PKP2: variants seen among roughly 807,000 people sequenced by gnomAD.
PKP2 encodes plakophilin 2.
A neutral mutation model predicts 83.4 loss-of-function variants in PKP2; 73 were observed. The observed-to-expected ratio is 0.88, with a 90% CI of 0.72 to 1.06. PKP2 has a LOEUF of 1.06. Ranked by LOEUF, PKP2 falls within the 50% of genes least tolerant of loss-of-function variation. PKP2 has a pLI of 0.00. For missense variants in PKP2, 966 were observed against 1,065.4 expected, an observed-to-expected ratio of 0.91 and a Z score of 1.30; for synonymous variants, 409 against 430.4, an observed-to-expected ratio of 0.95 and a Z score of 0.62.
intron 6 of PKP2, among the ~76,000 whole-genome samples, chr12:32,835,027 G>A (rs998994262): frequency 1.4e-5 from 2 of 145,538 alleles, no homozygotes; most frequent in Non-Finnish European, 3.0e-5. Context: ...AGGAGGGTAT[G>A]GAATCAAAGA....
chr12:32,855,794 A>AAAAAG (rs1459718298), intron 4 of PKP2, among the ~76,000 whole-genome samples: 2 of 148,394 alleles, frequency 1.3e-5, no homozygotes, highest in African/African-American at 5.1e-5. Flanking sequence ...AAAAAAAAAA[A>AAAAAG]AGGAAGAAAA....
intron 1 of PKP2, among the ~76,000 whole-genome samples, chr12:32,882,146 T>C (rs1956992277): frequency 6.6e-6 from 1 of 152,154 alleles, no homozygotes; most frequent in South Asian, 2.1e-4. Context: ...AGCTGATACA[T>C]AAGAAATCCA....
chr12:32,820,899 T>C (rs73090745), intron 9 of PKP2: 4,234 of 197,124 alleles, frequency 0.021, 69 homozygotes, highest in South Asian at 0.046. Flanking sequence ...GGGGACACAT[T>C]GGGCTGATAA....
chr12:32,847,740 T>C (rs1185363097), intron 5 of PKP2, among the ~76,000 whole-genome samples: 3 of 152,180 alleles, frequency 2.0e-5, no homozygotes, highest in African/African-American at 7.2e-5. Flanking sequence ...TATTCCTTTT[T>C]TAAGGTCCAC....
At chr12:32,807,326 T>C (rs540223355) in intron 9 of PKP2, among the ~76,000 whole-genome samples, 36 of 152,312 alleles carry the variant, frequency 2.4e-4, no homozygotes, top group African/African-American at 8.4e-4. Flanking sequence ...GTAAAGTCTG[T>C]TTTGTCAGAA....
intron 5 of PKP2, among the ~76,000 whole-genome samples, chr12:32,848,969 A>C (rs1401009296): frequency 1.3e-5 from 2 of 151,788 alleles, no homozygotes; most frequent in Non-Finnish European, 2.9e-5. Flanking sequence ...TTTCCGTTAA[A>C]AGTATTTACC....
chr12:32,865,921 A>G (rs913717252), intron 4 of PKP2, among the ~76,000 whole-genome samples: 4 of 152,172 alleles, frequency 2.6e-5, no homozygotes, highest in Non-Finnish European at 5.9e-5. Context: ...ACTAAAATAT[A>G]TAACATTTAC....
chr12:32,833,971 AAT>A (rs1352274208), intron 6 of PKP2, among the ~76,000 whole-genome samples: 2 of 152,274 alleles, frequency 1.3e-5, no homozygotes, highest in East Asian at 3.9e-4. Flanking sequence ...TCACATTTTT[AAT>A]ATGACTACAG....
Position 32,878,041 on chromosome 12 carries a change from ACG to A in PKP2, c.837_838del (p.Val280HisfsTer55), listed in dbSNP as rs772220644. On this transcript the variant is annotated frameshift_variant, in exon 3 of 13. Coordinates refer to ENST00000340811, the MANE Select transcript of PKP2 (RefSeq NM_001005242.3). LOFTEE classifies it high-confidence loss of function. ...GGACCTGGAAGCCCTGTTCTGAGTG[ACG>A]GGCTGCAGGGGCACCAGCGGCCTGA... 5 of 1,613,818 alleles carry A rather than the reference ACG, an allele frequency of 3.1e-6. No individual in the cohort carries two copies. The African/African-American group carries it at 6.7e-5, about 22-fold the overall frequency.
At chr12:32,843,455 C>T in intron 5 of PKP2, 4 of 567,860 alleles carry the variant, frequency 7.0e-6, no homozygotes, top group South Asian at 4.2e-5. Flanking sequence ...TTGGTAATTA[C>T]TCAGCATACT....
chr12:32,831,011 A>ATTAATTT (rs1956496316), intron 6 of PKP2, among the ~76,000 whole-genome samples: 1 of 152,208 alleles, frequency 6.6e-6, no homozygotes, highest in Non-Finnish European at 1.5e-5. Flanking sequence ...GGTAGGCTAC[A>ATTAATTT]TTAATTTCCT....
chr12:32,864,008 G>T (rs1001478283), intron 4 of PKP2, among the ~76,000 whole-genome samples: 1 of 151,844 alleles, frequency 6.6e-6, no homozygotes, highest in Non-Finnish European at 1.5e-5. Context: ...ATCAATCAAG[G>T]TAATTTACCA....
intron 7 of PKP2, among the ~76,000 whole-genome samples, chr12:32,823,028 AG>A (rs35112353): frequency 6.6e-6 from 1 of 152,224 alleles, no homozygotes; most frequent in Non-Finnish European, 1.5e-5. Flanking sequence ...GAAGCATTAG[AG>A]GGAAGTGTAA....
At chr12:32,852,130 T>G (rs1042089989) in intron 4 of PKP2, among the ~76,000 whole-genome samples, 3 of 152,218 alleles carry the variant, frequency 2.0e-5, no homozygotes, top group African/African-American at 7.2e-5. Flanking sequence ...TTTGAAACTT[T>G]TAAGTTGCCA....
At chr12:32,811,881 G>A (rs999863180) in intron 9 of PKP2, among the ~76,000 whole-genome samples, 2 of 152,106 alleles carry the variant, frequency 1.3e-5, no homozygotes, top group African/African-American at 4.8e-5. Context: ...AGGCCATTTT[G>A]TCATTTTCAA....
chr12:32,889,721 T>C (rs1293291498), intron 1 of PKP2, among the ~76,000 whole-genome samples: 1 of 152,152 alleles, frequency 6.6e-6, no homozygotes, highest in African/African-American at 2.4e-5. Flanking sequence ...CTGTTCTCTG[T>C]CATTCTGGGT....
intron 6 of PKP2, among the ~76,000 whole-genome samples, chr12:32,838,358 A>G (rs1465237068): frequency 6.6e-6 from 1 of 152,212 alleles, no homozygotes; most frequent in East Asian, 1.9e-4. Flanking sequence ...AAAAGGGTTG[A>G]AAATCCATCT....
intron 1 of PKP2, among the ~76,000 whole-genome samples, chr12:32,890,952 CAAA>C (rs56900611): frequency 2.8e-5 from 2 of 70,286 alleles, no homozygotes. Context: ...AAGAGCGAAA[CAAA>C]AAAAAAAAAA....
Position 32,866,636 on chromosome 12 carries a change from T to C in PKP2, c.1170+2291A>G, listed in dbSNP as rs75094409. Among the ~76,000 whole-genome samples, 1,128 of 150,164 alleles carry C rather than the reference T, an allele frequency of 7.5e-3. 18 individuals are homozygous for C. The highest frequency in any genetic ancestry group is 0.025 in the African/African-American group (1,031 of 40,932). On this transcript the variant is annotated intron_variant, in intron 4 of 12. Coordinates refer to ENST00000340811, the MANE Select transcript of PKP2 (RefSeq NM_001005242.3). ...AATTAAAACCACAGTAAAACACCTG[T>C]ACAAACTTACAGGCTAACATTAAGG...
Sources: gnomAD v4.1 joint callset for allele counts (sites outside exome capture counted in the v4.1 genomes callset) on GRCh38, gnomAD v4.1.1 for gene constraint, MANE v1.5 for transcripts, NCBI Gene and HGNC (gene_info 2026-07-23, HGNC 2026-07-21) for gene names.